Variants in VWC2L observed in about 807,000 individuals in gnomAD.
VWC2L encodes the protein von Willebrand factor C domain-containing protein 2-like.
VWC2L carries 10 observed loss-of-function variants against 21.6 expected under a neutral mutation model. The ratio of observed to expected loss-of-function variants is 0.46; its 90% CI spans 0.29 to 0.78. VWC2L has a LOEUF of 0.78. Among genes scored for constraint, VWC2L ranks in the 30% least tolerant of loss-of-function variants. VWC2L has a pLI of 0.10. For synonymous variants in VWC2L, 96 were observed against 94.3 expected, an observed-to-expected ratio of 1.02 and a Z score of -0.10; for missense variants, 209 against 277.1, an observed-to-expected ratio of 0.75 and a Z score of 1.74.
intron 3 of VWC2L, among the ~76,000 whole-genome samples, chr2:214,449,447 GA>G (rs1702921513): frequency 6.6e-6 from 1 of 152,194 alleles, no homozygotes; most frequent in Non-Finnish European, 1.5e-5. Context: ...AGCAGTGGGA[GA>G]AAAAATTGAT....
At chr2:214,523,380 ATCT>A (rs1689275680) in intron 3 of VWC2L, among the ~76,000 whole-genome samples, 1 of 152,338 alleles carries the variant, frequency 6.6e-6, no homozygotes, top group Admixed American at 6.5e-5. Flanking sequence ...TAGCTTCACA[ATCT>A]TCTAATTTGC....
chr2:214,479,670 T>C (rs768109400), intron 3 of VWC2L, among the ~76,000 whole-genome samples: 10 of 152,132 alleles, frequency 6.6e-5, no homozygotes, highest in Non-Finnish European at 1.3e-4. Flanking sequence ...CTGGGTATGG[T>C]GGCGGGTGCC....
At chr2:214,528,483 C>T (rs1198815340) in intron 3 of VWC2L, among the ~76,000 whole-genome samples, 1 of 152,036 alleles carries the variant, frequency 6.6e-6, no homozygotes, top group Non-Finnish European at 1.5e-5. Context: ...ATTGTAATAT[C>T]CTCTTAACTT....
chr2:214,503,029 T>C (rs1401896754), intron 3 of VWC2L, among the ~76,000 whole-genome samples: 1 of 152,176 alleles, frequency 6.6e-6, no homozygotes, highest in Non-Finnish European at 1.5e-5. Flanking sequence ...TCTTCCCCAT[T>C]TTTGCCTTTG....
Position 214,548,042 on chromosome 2 carries a change from G to T in VWC2L, c.521-27630G>T, listed in dbSNP as rs185427076. Among the ~76,000 whole-genome samples the T allele has an allele frequency of 1.1e-4, 16 of 152,296 alleles. No individual in the cohort carries two copies. The East Asian group carries it at 2.9e-3, about 28-fold the overall frequency. The stretch of plus-strand genomic sequence containing the variant: ...CACACTGAGTCATGCAAGCTAATGT[G>T]AATTCTGCCTTCTTCCGGTGTCTTC... On this transcript the variant is annotated intron_variant, in intron 3 of 3. Transcript: ENST00000312504.
At chr2:214,464,518 T>C (rs1039110420) in intron 3 of VWC2L, among the ~76,000 whole-genome samples, 1 of 151,236 alleles carries the variant, frequency 6.6e-6, no homozygotes, top group African/African-American at 2.5e-5. Context: ...CTGAGCTCCC[T>C]GGAGCTGGAG....
At chr2:214,504,639 C>G (rs1457489808) in intron 3 of VWC2L, among the ~76,000 whole-genome samples, 1 of 152,150 alleles carries the variant, frequency 6.6e-6, no homozygotes, top group Non-Finnish European at 1.5e-5. Context: ...GGAATGTCTT[C>G]CCTAGGAAAG....
intron 3 of VWC2L, among the ~76,000 whole-genome samples, chr2:214,472,742 G>A (rs1196638241): frequency 6.6e-6 from 1 of 152,228 alleles, no homozygotes; most frequent in Non-Finnish European, 1.5e-5. Flanking sequence ...CCAGGTTGCT[G>A]TGGAAATGAA....
intron 3 of VWC2L, among the ~76,000 whole-genome samples, chr2:214,551,720 C>A (rs1448896689): frequency 6.6e-6 from 1 of 152,184 alleles, no homozygotes; most frequent in Non-Finnish European, 1.5e-5. Context: ...ATCCCAAACC[C>A]GCATCAATCT....
chr2:214,443,701 G>A (rs533689193), intron 3 of VWC2L, among the ~76,000 whole-genome samples: 1 of 152,218 alleles, frequency 6.6e-6, no homozygotes, highest in South Asian at 2.1e-4. Flanking sequence ...ATCTACCTCA[G>A]CCTAAAAGGC....
chr2:214,556,752 G>A (rs569985040), intron 3 of VWC2L, among the ~76,000 whole-genome samples: 1 of 152,250 alleles, frequency 6.6e-6, no homozygotes, highest in African/African-American at 2.4e-5. Context: ...ATAATCCAGT[G>A]ATTTCTAAAA....
intron 3 of VWC2L, among the ~76,000 whole-genome samples, chr2:214,491,183 C>T (rs888546407): frequency 3.3e-5 from 5 of 152,004 alleles, no homozygotes; most frequent in Admixed American, 6.6e-5. Context: ...GATTTCACTT[C>T]GATTTTTCAA....
chr2:214,428,855 T>G (rs997820153), intron 2 of VWC2L, among the ~76,000 whole-genome samples: 3 of 149,476 alleles, frequency 2.0e-5, no homozygotes, highest in South Asian at 4.2e-4. Flanking sequence ...AGAAATAATC[T>G]GATTGGCACT....
chr2:214,432,544 TGGCCA>T (rs1702615714), intron 2 of VWC2L, among the ~76,000 whole-genome samples: 1 of 152,230 alleles, frequency 6.6e-6, no homozygotes, highest in African/African-American at 2.4e-5. Flanking sequence ...TGATTTATAA[TGGCCA>T]GTTTCACCAT....
intron 3 of VWC2L, among the ~76,000 whole-genome samples, chr2:214,525,750 T>C (rs1028986087): frequency 2.7e-4 from 41 of 152,204 alleles, no homozygotes. Context: ...CAATGATTGT[T>C]GTGACATGAG....
rs568289644 is a variant in VWC2L at position 214,413,483 on chromosome 2, T to C, written c.-80-631T>C. On this transcript the variant is annotated intron_variant, in intron 1 of 3. Transcript: ENST00000312504. The stretch of plus-strand genomic sequence containing the variant: ...TCTCTTAATCACTATGGAATAGTTA[T>C]GTTGTTTTTGTTATCAACTTTATTT... 5.6e-4 allele frequency among the ~76,000 whole-genome samples: 85 copies of C among 152,294 alleles called. 4 individuals carry two copies. The South Asian group carries it at 0.017, about 30-fold the overall frequency.
chr2:214,431,171 A>G (rs1702596813), intron 2 of VWC2L, among the ~76,000 whole-genome samples: 1 of 152,234 alleles, frequency 6.6e-6, no homozygotes, highest in Non-Finnish European at 1.5e-5. Context: ...AATTTAATGT[A>G]TATTTTAATG....
At chr2:214,454,638 C>CTGTT (rs1703028780) in intron 3 of VWC2L, among the ~76,000 whole-genome samples, 1 of 114,232 alleles carries the variant, frequency 8.8e-6, no homozygotes, top group African/African-American at 3.3e-5. Flanking sequence ...GAGTCTCACT[C>CTGTT]TGTTGCCTAG....
At chr2:214,412,652 A>G (rs982865524) in intron 1 of VWC2L, among the ~76,000 whole-genome samples, 52 of 152,190 alleles carry the variant, frequency 3.4e-4, no homozygotes, top group African/African-American at 1.2e-3. Context: ...AGCTTTCTCC[A>G]GAAAGAGGGC....
Sources: allele counts gnomAD v4.1 joint callset (sites outside exome capture counted in the v4.1 genomes callset), GRCh38; gene constraint gnomAD v4.1.1; transcripts MANE v1.5; gene names NCBI Gene and HGNC (gene_info 2026-07-23, HGNC 2026-07-21).